The following RBBP8 variants were observed in gnomAD, a reference collection of about 807,000 sequenced individuals.
RBBP8 encodes the protein DNA endonuclease RBBP8.
Under a neutral mutation model 108.3 loss-of-function variants are expected in RBBP8, and 88 were observed. The ratio of observed to expected loss-of-function variants is 0.81; its 90% CI spans 0.68 to 0.97. The LOEUF (loss-of-function observed/expected upper bound fraction) is 0.97, where lower values mean the gene tolerates loss of function less well. Among genes scored for constraint, RBBP8 ranks in the 50% least tolerant of loss-of-function variants. RBBP8 has a pLI of 0.00. For synonymous variants in RBBP8, 332 were observed against 348.2 expected, an observed-to-expected ratio of 0.95 and a Z score of 0.52; for missense variants, 1,023 against 1,049.0, an observed-to-expected ratio of 0.98 and a Z score of 0.34.
Position 22,993,178 on chromosome 18 carries a change from G to C in RBBP8, c.1351G>C (p.Glu451Gln). 1 of 1,614,114 alleles carries C rather than the reference G, an allele frequency of 6.2e-7. No homozygotes were observed. Among genetic ancestry groups the C allele is most frequent in the Non-Finnish European group, 8.5e-7 (1 of 1,180,000 alleles). The part of the protein sequence containing the change: ...GGRTSKRKKT[E>Q]EESEHEVSCP... ...CCGAACATCCAAAAGGAAGAAAACTGAGGAAGAAAGTGAACATGAAGTAAG... is the reference window on the plus strand; with the variant it reads ...CCGAACATCCAAAAGGAAGAAAACTCAGGAAGAAAGTGAACATGAAGTAAG... The change falls in exon 11 of 19, where the codon GAG becomes CAG. Residue 451 changes from glutamate to glutamine, a missense_variant. Glu to Gln is a conservative substitution (Grantham distance 29, BLOSUM62 2). Transcript: ENST00000327155.
chr18:23,007,563 G>A (rs1057139329), intron 16 of RBBP8, among the ~76,000 whole-genome samples: 1 of 151,110 alleles, frequency 6.6e-6, no homozygotes, highest in Admixed American at 6.6e-5. Context: ...AATTAGCCAG[G>A]TGTGGTGGCA....
chr18:23,017,666 A>AG (rs1210575869), intron 17 of RBBP8, among the ~76,000 whole-genome samples: 1 of 151,030 alleles, frequency 6.6e-6, no homozygotes, highest in African/African-American at 2.5e-5. Context: ...AAAAAAAAAA[A>AG]TTATTTTTAC....
intron 5 of RBBP8, among the ~76,000 whole-genome samples, chr18:22,972,297 TG>T (rs1212899291): frequency 1.5e-5 from 2 of 131,260 alleles, no homozygotes; most frequent in East Asian, 4.6e-4. Context: ...GAGATTGCAG[TG>T]AGCCAAGATT....
chr18:23,021,648 T>G (rs1183702093), intron 17 of RBBP8, among the ~76,000 whole-genome samples: 20 of 152,196 alleles, frequency 1.3e-4, no homozygotes, highest in Non-Finnish European at 1.8e-4. Context: ...ATCTAAATTA[T>G]TTTTTAAAGC....
rs544691674 is a variant in RBBP8, at chr18:22,933,347, C to A, written c.-316C>A. 1 of 152,588 alleles carries A rather than the reference C, an allele frequency of 6.6e-6. No homozygotes were observed. Among genetic ancestry groups the A allele is most frequent in the South Asian group, 2.1e-4 (1 of 4,840 alleles). The allele number at this position is 152,588 out of a possible 1,614,324, so 9.5% of individuals were successfully genotyped here. ...ACTCCCGCGTGACGTCGCGCGGGCT[C>A]CCGGGCGGGGCGGGTCCGGCCGCCT... On this transcript the variant is annotated 5_prime_UTR_variant, in exon 1 of 19. Coordinates refer to ENST00000327155, the MANE Select transcript of RBBP8 (RefSeq NM_002894.3).
chr18:23,025,754 T>G (rs752343963), intron 18 of RBBP8, among the ~76,000 whole-genome samples: 1 of 152,188 alleles, frequency 6.6e-6, no homozygotes, highest in Non-Finnish European at 1.5e-5. Flanking sequence ...AATAGGAAAG[T>G]GTTTAAGAGT....
intron 7 of RBBP8, among the ~76,000 whole-genome samples, chr18:22,984,410 G>T (rs537007513): frequency 6.6e-6 from 1 of 152,202 alleles, no homozygotes; most frequent in Admixed American, 6.5e-5. Flanking sequence ...TTGAGATAGG[G>T]TCTCACTCTG....
chr18:22,953,404 T>G (rs1912209026), intron 4 of RBBP8, among the ~76,000 whole-genome samples: 1 of 152,214 alleles, frequency 6.6e-6, no homozygotes, highest in African/African-American at 2.4e-5. Flanking sequence ...CCTTAGCAAG[T>G]TGTTAGAGCC....
intron 6 of RBBP8, among the ~76,000 whole-genome samples, chr18:22,977,112 T>G (rs1196372205): frequency 6.6e-6 from 1 of 152,114 alleles, no homozygotes; most frequent in Non-Finnish European, 1.5e-5. Flanking sequence ...TCTTTTATTC[T>G]CTTCTGAAAT....
intron 3 of RBBP8, among the ~76,000 whole-genome samples, chr18:22,947,232 A>C (rs796211756): frequency 7.2e-5 from 11 of 152,180 alleles, no homozygotes; most frequent in African/African-American, 2.6e-4. Flanking sequence ...AGACAAAAAA[A>C]ATTTTCCAGT....
intron 15 of RBBP8, 90 bp from the exon 16 acceptor site, chr18:23,006,273 G>A (rs2144767459): frequency 8.7e-7 from 1 of 1,145,968 alleles, no homozygotes; most frequent in East Asian, 2.5e-5. Context: ...AAAAATGGAA[G>A]TTTGAGTGCG....
chr18:23,010,208 T>C (rs1006726596), intron 16 of RBBP8, among the ~76,000 whole-genome samples: 4 of 152,262 alleles, frequency 2.6e-5, no homozygotes, highest in Non-Finnish European at 1.5e-5. Context: ...TTGACAGTTA[T>C]GCCTAGTGCA....
At chr18:22,928,094 G>A (rs1473887968) in intron 3 of RBBP8, among the ~76,000 whole-genome samples, 10 of 151,426 alleles carry the variant, frequency 6.6e-5, no homozygotes, top group African/African-American at 2.2e-4. Flanking sequence ...CCAGCTACTC[G>A]GGAGACTGAG....
At chr18:22,966,564 C>A (rs1913601128) in intron 4 of RBBP8, among the ~76,000 whole-genome samples, 1 of 119,966 alleles carries the variant, frequency 8.3e-6, no homozygotes, top group Non-Finnish European at 1.7e-5. Context: ...CATAGTGAGA[C>A]CCCATCTCAT....
chr18:22,993,327 T>G lies in RBBP8; in HGVS notation c.1500T>G (p.Ile500Met). Residue 500 changes from isoleucine to methionine, a missense_variant, in exon 11 of 19, where the codon ATT (isoleucine) becomes ATG (methionine). By Grantham distance (10) the Ile-to-Met change is conservative. Coordinates refer to ENST00000327155, the MANE Select transcript of RBBP8 (RefSeq NM_002894.3). Reference protein sequence around the residue: ...PLDLSDRFSAIQRQEKSQGSE... With the variant: ...PLDLSDRFSAMQRQEKSQGSE... ...ATCTGTCTGATCGATTTTCAGCTAT[T>G]CAGCGTCAAGAGAAAAGCCAAGGAA... 6.2e-7 allele frequency: 1 copy of G among 1,614,256 alleles called. No homozygotes were observed. The highest frequency in any genetic ancestry group is 8.5e-7 in the Non-Finnish European group (1 of 1,180,036).
intron 4 of RBBP8, among the ~76,000 whole-genome samples, chr18:22,954,519 G>C (rs1262903899): frequency 6.6e-6 from 1 of 152,232 alleles, no homozygotes; most frequent in African/African-American, 2.4e-5. Context: ...GGGCAGCTCT[G>C]CCCCTGTGAT....
At chr18:22,999,451 C>T (rs2045911087) in intron 14 of RBBP8, among the ~76,000 whole-genome samples, 1 of 152,246 alleles carries the variant, frequency 6.6e-6, no homozygotes, top group Middle Eastern at 3.4e-3. Context: ...AGGATAAGTT[C>T]CCAGAGTTGG....
chr18:22,926,541 T>C (rs1193686637), intron 3 of RBBP8, among the ~76,000 whole-genome samples: 1 of 152,270 alleles, frequency 6.6e-6, no homozygotes, highest in African/African-American at 2.4e-5. Context: ...TAACCTTCTT[T>C]ATCAAGTATA....
At chr18:22,979,138 G>A (rs113572006) in intron 6 of RBBP8, among the ~76,000 whole-genome samples, 28 of 152,214 alleles carry the variant, frequency 1.8e-4, no homozygotes, top group African/African-American at 6.7e-4. Context: ...ATGGTTGCAC[G>A]CGCAGCTGTA....
Sources: gnomAD v4.1 joint callset for allele counts (sites outside exome capture counted in the v4.1 genomes callset) on GRCh38, gnomAD v4.1.1 for gene constraint, MANE v1.5 for transcripts, NCBI Gene and HGNC (gene_info 2026-07-23, HGNC 2026-07-21) for gene names.